PRRC2A: variants seen among roughly 807,000 people sequenced by gnomAD.
The protein encoded by PRRC2A is protein PRRC2A.
PRRC2A carries 59 observed loss-of-function variants against 224.6 expected under a neutral mutation model. That is an observed-to-expected ratio of 0.26 (90% CI 0.21 to 0.33). The LOEUF is 0.33. Among genes scored for constraint, PRRC2A ranks in the 10% least tolerant of loss-of-function variants. PRRC2A has a pLI of 1.00. For missense variants in PRRC2A, 3,095 were observed against 2,880.7 expected, an observed-to-expected ratio of 1.07 and a Z score of -1.70; for synonymous variants, 1,194 against 1,109.5, an observed-to-expected ratio of 1.08 and a Z score of -1.51.
rs771738803 is a variant in PRRC2A, at chr6:31,635,196, A to G, written c.5225A>G (p.Asp1742Gly). 2 of 1,612,850 alleles carry G rather than the reference A, an allele frequency of 1.2e-6. No individual in the cohort carries two copies. Among genetic ancestry groups the G allele is most frequent in the Admixed American group, 3.3e-5 (2 of 60,016 alleles). ...PIGTERSQRTDRGTEPGPIRP... is the reference protein window; with the variant it reads ...PIGTERSQRTGRGTEPGPIRP... ...GGCACAGAACGATCACAGCGTACAG[A>G]CCGAGGCACAGAGCCTGGCCCCATT... Residue 1742 changes from aspartate to glycine, a missense_variant, in exon 22 of 31, where the codon GAC (aspartate) becomes GGC (glycine). Asp to Gly is a moderately conservative substitution (Grantham distance 94, BLOSUM62 -1). Around this residue, in one of 8 missense-constraint regions of PRRC2A, gnomAD observed 662 missense variants for 609.5 expected, o/e 1.09. Coordinates refer to ENST00000376033, the MANE Select transcript of PRRC2A (RefSeq NM_004638.4).
chr6:31,628,818 G>A (rs960089083), intron 12 of PRRC2A: 5 of 310,662 alleles, frequency 1.6e-5, no homozygotes, highest in Admixed American at 9.4e-5. Context: ...TCCAGCCTGG[G>A]TGACAGAGCA....
At position 31,630,588 on chromosome 6, in the gene PRRC2A, C is replaced by G. The variant is rs1318113377; in HGVS notation, c.2255-3C>G. 2 of 1,613,914 alleles carry G rather than the reference C, an allele frequency of 1.2e-6. No homozygotes were observed. The highest frequency in any genetic ancestry group is 1.7e-6 in the Non-Finnish European group (2 of 1,179,966). ...TATTTTTCTTTTTCTTTGGTTTCTTCAGGCCTAGTTCCCCGAGAGCGTTCA... is the reference window on the plus strand; with the variant it reads ...TATTTTTCTTTTTCTTTGGTTTCTTGAGGCCTAGTTCCCCGAGAGCGTTCA... On this transcript the variant is annotated splice_polypyrimidine_tract_variant and splice_region_variant and intron_variant, in intron 14 of 30. Coordinates refer to ENST00000376033, the MANE Select transcript of PRRC2A (RefSeq NM_004638.4).
Position 31,625,672 on chromosome 6 carries a change from G to C in PRRC2A, c.759+61G>C, listed in dbSNP as rs1775825843. 1 of 1,603,782 alleles carries C rather than the reference G, an allele frequency of 6.2e-7. No homozygotes were observed. Among genetic ancestry groups the C allele is most frequent in the Non-Finnish European group, 8.5e-7 (1 of 1,171,206 alleles). On this transcript the variant is annotated intron_variant, in intron 7 of 30. Coordinates refer to ENST00000376033, the MANE Select transcript of PRRC2A (RefSeq NM_004638.4). The surrounding 1 kb of genome is among the most constrained non-coding windows in gnomAD (Gnocchi z 4.1). ...TGGAAGCTGGAGAGCTAGGAATCAG[G>C]ACTTAGTCTTTGACCTATGAGATAG...
Position 31,629,828 on chromosome 6 carries a change from C to G in PRRC2A, c.2237C>G (p.Pro746Arg). Residue 746 changes from proline to arginine, a missense_variant, in exon 14 of 31, where the codon CCT (proline) becomes CGT (arginine). By Grantham distance (103) the Pro-to-Arg change is moderately radical. Transcript: ENST00000376033. ...QGRPPLDFYP[P>R]GVHPSGLVPR... ...CGTCCCCCTCTAGACTTCTACCCTC[C>G]TGGTGTGCATCCCTCTGGTAAGGGG... The G allele has an allele frequency of 6.2e-7, 1 of 1,614,060 alleles. No individual in the cohort carries two copies. Among genetic ancestry groups the G allele is most frequent in the Non-Finnish European group, 8.5e-7 (1 of 1,179,948 alleles).
chr6:31,631,051 A>T lies in PRRC2A; in HGVS notation c.2466-88A>T. On this transcript the variant is annotated intron_variant, in intron 15 of 30. Coordinates refer to ENST00000376033, the MANE Select transcript of PRRC2A (RefSeq NM_004638.4). This position sits in a 1 kb window ranked among gnomAD's most constrained non-coding sequence, Gnocchi z 4.5. ...AACAAACAGAAAAATAGTAAAAGAG[A>T]GTCTGCATCATAATAAAGTGTTCTT... The T allele has an allele frequency of 7.5e-7, 1 of 1,329,998 alleles. No homozygotes were observed. The highest frequency in any genetic ancestry group is 1.0e-6 in the Non-Finnish European group (1 of 972,194). 82.4% of individuals were successfully genotyped at this position (1,329,998 alleles called of 1,614,324 possible).
chr6:31,630,787 T>A lies in PRRC2A; in HGVS notation c.2451T>A (p.Asp817Glu), dbSNP rs145531178. The A allele has an allele frequency of 1.1e-4, 172 of 1,613,996 alleles. No individual in the cohort carries two copies. The highest frequency in any genetic ancestry group is 1.4e-4 in the Non-Finnish European group (166 of 1,180,022). The change falls in exon 15 of 31, where the codon GAT becomes GAA. Residue 817 changes from aspartate to glutamate, a missense_variant. Asp to Glu is a conservative substitution (Grantham distance 45). This residue lies in a region of PRRC2A where 2,001 missense variants were observed against 1,764.9 expected (regional missense o/e 1.13). Coordinates refer to ENST00000376033, the MANE Select transcript of PRRC2A (RefSeq NM_004638.4). The stretch of plus-strand genomic sequence containing the variant: ...CTCTGCGCCAGGCTGCGGATGAGGA[T>A]GACAAGGGGATGAGGTGAGTCTTGG... ...TSPLRQAADE[D>E]DKGMRSETPP...
In PRRC2A at chr6:31,625,817, C is replaced by T. The variant is rs1200866245; in HGVS notation, c.785C>T (p.Pro262Leu). 2 of 1,587,212 alleles carry T rather than the reference C, an allele frequency of 1.3e-6. No homozygotes were observed. The highest frequency in any genetic ancestry group is 1.7e-6 in the Non-Finnish European group (2 of 1,156,434). Residue 262 changes from proline to leucine, a missense_variant, in exon 8 of 31, where the codon CCT (proline) becomes CTT (leucine). Pro to Leu is a moderately conservative substitution (Grantham distance 98). Coordinates refer to ENST00000376033, the MANE Select transcript of PRRC2A (RefSeq NM_004638.4). The surrounding 1 kb of genome is among the most constrained non-coding windows in gnomAD (Gnocchi z 4.1). ...ATGTATCCCCCATATCTCCCGTTCC[C>T]TCCGCCCTATGGACCCCAGGGGCCT... is the stretch of plus-strand genomic sequence containing the variant. Reference protein sequence around the residue: ...PFMYPPYLPFPPPYGPQGPYR... With the variant: ...PFMYPPYLPFLPPYGPQGPYR...
At position 31,632,723 on chromosome 6, in the gene PRRC2A, T is replaced by C. The variant is rs1245383783; in HGVS notation, c.4050T>C (p.Ala1350=). The C allele has an allele frequency of 1.9e-6, 3 of 1,613,072 alleles. No homozygotes were observed. Among genetic ancestry groups the C allele is most frequent in the Non-Finnish European group, 1.7e-6 (2 of 1,180,018 alleles). The change falls in exon 16 of 31, where the codon GCT becomes GCC. Residue 1350 remains alanine, a synonymous_variant. Coordinates refer to ENST00000376033, the MANE Select transcript of PRRC2A (RefSeq NM_004638.4). ...APPPVLLTPK[A]VGTPGGGGGG... ...CACCAGTACTGCTGACACCCAAGGC[T>C]GTGGGAACTCCTGGGGGAGGTGGAG...
chr6:31,623,112 C>G (rs1775486103), intron 2 of PRRC2A: 1 of 761,514 alleles, frequency 1.3e-6, no homozygotes, highest in African/African-American at 1.7e-5. Flanking sequence ...GGTTCCCTGT[C>G]TTTGGACACG....
rs1775849849 is a variant in PRRC2A at position 31,625,862 on chromosome 6, A to G, written c.830A>G (p.Asp277Gly). 1 of 1,587,048 alleles carries G rather than the reference A, an allele frequency of 6.3e-7. No homozygotes were observed. Among genetic ancestry groups the G allele is most frequent in the South Asian group, 1.1e-5 (1 of 90,524 alleles). ...PQGPYRYPTPDGPSRFPRVAG... is the reference protein window; with the variant it reads ...PQGPYRYPTPGGPSRFPRVAG... ...GGGCCTTACCGATACCCCACTCCTG[A>G]TGGGCCCAGGTGAGCAATCCAGGTC... is the stretch of plus-strand genomic sequence containing the variant. The change falls in exon 8 of 31, where the codon GAT (aspartate) becomes GGT (glycine). Residue 277 changes from aspartate to glycine, a missense_variant. Physicochemically the swap from Asp to Gly is moderately conservative, Grantham distance 94. Coordinates refer to ENST00000376033, the MANE Select transcript of PRRC2A (RefSeq NM_004638.4). The surrounding 1 kb of genome is among the most constrained non-coding windows in gnomAD (Gnocchi z 4.1).
chr6:31,635,640 C>G lies in PRRC2A; in HGVS notation c.5432C>G (p.Pro1811Arg). 1.2e-6 allele frequency: 2 copies of G among 1,612,896 alleles called. No individual in the cohort carries two copies. The highest frequency in any genetic ancestry group is 1.7e-6 in the Non-Finnish European group (2 of 1,179,946). Residue 1811 changes from proline to arginine, a missense_variant, in exon 24 of 31, where the codon CCA (proline) becomes CGA (arginine). Pro to Arg is a moderately radical substitution (Grantham distance 103). Coordinates refer to ENST00000376033, the MANE Select transcript of PRRC2A (RefSeq NM_004638.4). ...LLPSAAASAE[P>R]QSKNLDSGHC... ...CCCAGTGCTGCTGCCTCTGCTGAGC[C>G]ACAATCCAAGAACCTGGATTCTGGG...
Position 31,633,423 on chromosome 6 carries a change from C to G in PRRC2A, c.4364C>G (p.Pro1455Arg). The part of the protein sequence containing the change: ...ERPPGLPLPP[P>R]PPSSSAVFRL... ...CCCCCGGGGCTTCCCCTGCCTCCCC[C>G]ACCTCCCAGCAGTTCTGCTGTCTTC... The change falls in exon 17 of 31, where the codon CCA becomes CGA. Residue 1455 changes from proline (P) to arginine (R), a missense_variant. Physicochemically the swap from Pro to Arg is moderately radical, Grantham distance 103. Around this residue, in one of 8 missense-constraint regions of PRRC2A, gnomAD observed 2,001 missense variants for 1,764.9 expected, o/e 1.13. Coordinates refer to ENST00000376033, the MANE Select transcript of PRRC2A (RefSeq NM_004638.4). The G allele has an allele frequency of 6.2e-7, 1 of 1,613,066 alleles. No individual in the cohort carries two copies. The highest frequency in any genetic ancestry group is 2.2e-5 in the East Asian group (1 of 44,888).
intron 9 of PRRC2A, 150 bp downstream of exon 9, chr6:31,626,312 G>A: frequency 9.7e-7 from 1 of 1,031,786 alleles, no homozygotes; most frequent in South Asian, 1.7e-5. Flanking sequence ...CAGTGCTTTG[G>A]GAGTGTTAGG....
Position 31,631,510 on chromosome 6 carries a change from C to T in PRRC2A, c.2837C>T (p.Pro946Leu). ...CCTCCAGAGGAGCCAGGGGCCCCAC[C>T]CCGCCGGGCTGGGCCTATAAAGAAA... ...GIPPEEPGAP[P>L]RRAGPIKKPP... The change falls in exon 16 of 31, where the codon CCC (proline) becomes CTC (leucine). Residue 946 changes from proline to leucine, a missense_variant. Physicochemically the swap from Pro to Leu is moderately conservative, Grantham distance 98 (BLOSUM62 -3). Coordinates refer to ENST00000376033, the MANE Select transcript of PRRC2A (RefSeq NM_004638.4). The surrounding 1 kb of genome is among the most constrained non-coding windows in gnomAD (Gnocchi z 4.5). 2 of 1,603,278 alleles carry T rather than the reference C, an allele frequency of 1.2e-6. No individual in the cohort carries two copies. The highest frequency in any genetic ancestry group is 1.7e-6 in the Non-Finnish European group (2 of 1,176,810).
In PRRC2A at chr6:31,631,910, C is replaced by G. The variant is rs757421292; in HGVS notation, c.3237C>G (p.Pro1079=). The part of the protein sequence containing the change: ...GTGGPNHPPA[P]RGRTASETRS... ...GGGGACCAAACCACCCTCCTGCTCCCCGAGGCCGCACTGCCAGCGAGACAC... is the reference window on the plus strand; with the variant it reads ...GGGGACCAAACCACCCTCCTGCTCCGCGAGGCCGCACTGCCAGCGAGACAC... The change falls in exon 16 of 31, where the codon CCC becomes CCG. Residue 1079 remains proline, a synonymous_variant. Coordinates refer to ENST00000376033, the MANE Select transcript of PRRC2A (RefSeq NM_004638.4). This position sits in a 1 kb window ranked among gnomAD's most constrained non-coding sequence, Gnocchi z 4.5. 2 of 1,612,328 alleles carry G rather than the reference C, an allele frequency of 1.2e-6. No individual in the cohort carries two copies. Among genetic ancestry groups the G allele is most frequent in the Admixed American group, 1.7e-5 (1 of 59,932 alleles).
intron 13 of PRRC2A, 34 bp from the exon 14 acceptor site, chr6:31,629,514 A>G: frequency 6.9e-7 from 1 of 1,444,596 alleles, no homozygotes; most frequent in East Asian, 2.3e-5. Flanking sequence ...GTGTGCTTTG[A>G]GCCTCTCTCA....
chr6:31,631,898 C>T lies in PRRC2A; in HGVS notation c.3225C>T (p.His1075=). The part of the protein sequence containing the change: ...GRGGGTGGPN[H]PPAPRGRTAS... ...GAGGTGGGACAGGGGGACCAAACCA[C>T]CCTCCTGCTCCCCGAGGCCGCACTG... is the stretch of plus-strand genomic sequence containing the variant. The change falls in exon 16 of 31, where the codon CAC becomes CAT. Residue 1075 remains histidine, a synonymous_variant. Transcript: ENST00000376033. The surrounding 1 kb of genome is among the most constrained non-coding windows in gnomAD (Gnocchi z 4.5). The T allele has an allele frequency of 6.2e-7, 1 of 1,611,840 alleles. No homozygotes were observed. The highest frequency in any genetic ancestry group is 8.5e-7 in the Non-Finnish European group (1 of 1,179,586).
At position 31,622,904 on chromosome 6, in the gene PRRC2A, G is replaced by C. The variant is rs535373135; in HGVS notation, c.112+3G>C. ...CTTAGAGATCCAGAAACCCGCTGGTGAGAGTCCTGCAAAGATGCTTCTGAT... is the reference window on the plus strand; with the variant it reads ...CTTAGAGATCCAGAAACCCGCTGGTCAGAGTCCTGCAAAGATGCTTCTGAT... On this transcript the variant is annotated splice_donor_region_variant and intron_variant, in intron 2 of 30. Coordinates refer to ENST00000376033, the MANE Select transcript of PRRC2A (RefSeq NM_004638.4). The C allele has an allele frequency of 3.6e-5, 58 of 1,611,002 alleles. No homozygotes were observed. Among genetic ancestry groups the C allele is most frequent in the Non-Finnish European group, 4.8e-5 (56 of 1,177,210 alleles).
rs1186999967 is a variant in PRRC2A, at chr6:31,634,648, T to TC, written c.4935+92dup. Reference sequence around the variant, plus strand: ...TGCTCTGGGTTGAGTCTGGAGCTGTTCTCTCACTTGGCTGTCCCCTTTCTG... The same window carrying TC: ...TGCTCTGGGTTGAGTCTGGAGCTGTTCCTCTCACTTGGCTGTCCCCTTTCTG... On this transcript the variant is annotated intron_variant, in intron 20 of 30. Coordinates refer to ENST00000376033, the MANE Select transcript of PRRC2A (RefSeq NM_004638.4). 4.4e-6 allele frequency: 7 copies of TC among 1,576,058 alleles called. No individual in the cohort carries two copies. In the African/African-American group the frequency reaches 9.4e-5, roughly 21 times the overall value.
Sources: allele counts gnomAD v4.1 joint callset, GRCh38; gene constraint gnomAD v4.1.1; regional missense constraint gnomAD v4.1.1; non-coding constraint Gnocchi (gnomAD v3.1); transcripts MANE v1.5; gene names NCBI Gene and HGNC (gene_info 2026-07-23, HGNC 2026-07-21).